The following TWIST1 variants were observed in gnomAD, a reference collection of about 807,000 sequenced individuals.
TWIST1 encodes twist family bHLH transcription factor 1, also known as twist-related protein 1.
Under a neutral mutation model 12.9 loss-of-function variants are expected in TWIST1, and 8 were observed. The observed-to-expected ratio is 0.62, with a 90% confidence interval of 0.37 to 1.12. The LOEUF is 1.12. Among genes scored for constraint, TWIST1 ranks in the 50% most tolerant of loss-of-function variants. The pLI is 0.02. For synonymous variants in TWIST1, 169 were observed against 138.7 expected, an observed-to-expected ratio of 1.22 and a Z score of -1.54; for missense variants, 268 against 299.7, an observed-to-expected ratio of 0.89 and a Z score of 0.78.
rs559821440 is a variant in TWIST1, at chr7:19,117,252, G to C, written c.70C>G (p.Pro24Ala). The change falls in exon 1 of 2, where the codon CCA becomes GCA. Residue 24 changes from proline (P) to alanine (A), a missense_variant. Pro to Ala is a conservative substitution (Grantham distance 27, BLOSUM62 -1). Transcript: ENST00000242261. ...CCGCTCGGCGGCTGCTGCCGGTCTG[G>C]CTCTTCCTCGCTGTTGCTCAGGCTG... ...DDSLSNSEEE[P>A]DRQQPPSGKR... is the part of the protein sequence containing the mutation. The C allele has an allele frequency of 2.6e-5, 38 of 1,457,786 alleles. No homozygotes were observed. In the East Asian group the frequency reaches 1.1e-3, roughly 43 times the overall value. The allele number at this position is 1,457,786 out of a possible 1,614,324, so 90.3% of individuals were successfully genotyped here. A position where few individuals can be genotyped will look rare whatever the true frequency, so the allele number is the denominator to read the frequency against.
chr7:19,117,151 A>T lies in TWIST1; in HGVS notation c.171T>A (p.Gly57=). The part of the protein sequence containing the change: ...GGGAGPGGAA[G]GGVGGGDEPG... ...GCTCGTCGCCGCCTCCGACGCCCCCACCCGCGGCTCCGCCGGGCCCCGCGC... is the reference window on the plus strand; with the variant it reads ...GCTCGTCGCCGCCTCCGACGCCCCCTCCCGCGGCTCCGCCGGGCCCCGCGC... The change falls in exon 1 of 2, where the codon GGT becomes GGA. Residue 57 remains glycine (G), a synonymous_variant. Coordinates refer to ENST00000242261, the MANE Select transcript of TWIST1 (RefSeq NM_000474.4). The T allele has an allele frequency of 3.7e-6, 4 of 1,072,888 alleles. No homozygotes were observed. The highest frequency in any genetic ancestry group is 4.5e-6 in the Non-Finnish European group (4 of 887,282). The allele number at this position is 1,072,888 out of a possible 1,614,324, so 66.5% of individuals were successfully genotyped here.
chr7:19,116,356 CGAAA>C (rs1788565426), intron 1 of TWIST1, among the ~76,000 whole-genome samples: 1 of 152,120 alleles, frequency 6.6e-6, no homozygotes, highest in Non-Finnish European at 1.5e-5. Context: ...AATTGAAAGC[CGAAA>C]GAAAGGGTGG....
downstream of TWIST1, chr7:19,113,090 T>C (rs377217574): frequency 9.8e-5 from 15 of 152,312 alleles, no homozygotes; most frequent in East Asian, 1.4e-3. Context: ...CGTTCCACTT[T>C]GGGGAGGGGA....
At position 19,117,344 on chromosome 7, in the gene TWIST1, C is replaced by A; in HGVS notation, c.-23G>T. The A allele has an allele frequency of 6.9e-7, 1 of 1,442,258 alleles. No individual in the cohort carries two copies. The highest frequency in any genetic ancestry group is 1.3e-5 in the South Asian group (1 of 75,992). The allele number at this position is 1,442,258 out of a possible 1,614,324, so 89.3% of individuals were successfully genotyped here. A position where few individuals can be genotyped will look rare whatever the true frequency, so the allele number is the denominator to read the frequency against. ...CATCTCTCGAGCGGCGACGCGTGGC[C>A]TCGCGGGCCCGGGGCAGAGGAGAAG... is the stretch of plus-strand genomic sequence containing the variant. On this transcript the variant is annotated 5_prime_UTR_variant, in exon 1 of 2. It adds an upstream start codon to the 5' untranslated region. Transcript: ENST00000242261.
intron 1 of TWIST1, 48 bp downstream of exon 1, chr7:19,116,623 G>C (rs1788572221): frequency 4.2e-6 from 6 of 1,443,156 alleles, no homozygotes; most frequent in Middle Eastern, 1.8e-4. Context: ...TGGCCGGCCT[G>C]CCGTCTGCCA....
In TWIST1 at chr7:19,116,083, C is replaced by T. The variant is rs1788558596; in HGVS notation, c.*91G>A. The T allele has an allele frequency of 6.6e-6, 1 of 151,656 alleles. No individual in the cohort carries two copies. The highest frequency in any genetic ancestry group is 1.5e-5 in the Non-Finnish European group (1 of 67,948). The allele number at this position is 151,656 out of a possible 1,614,324, so 9.4% of individuals were successfully genotyped here. On this transcript the variant is annotated 3_prime_UTR_variant, in exon 2 of 2. Transcript: ENST00000242261. ...TATTTTTATTTTTAGTTATCCAGCT[C>T]CAGAGTCTCTAGACTGTCCATTTTC...
chr7:19,117,383 A>G lies in TWIST1; in HGVS notation c.-62T>C, dbSNP rs1788598611. The G allele has an allele frequency of 7.5e-7, 1 of 1,339,992 alleles. No homozygotes were observed. The highest frequency in any genetic ancestry group is 9.6e-7 in the Non-Finnish European group (1 of 1,040,092). 83.0% of individuals were successfully genotyped at this position (1,339,992 alleles called of 1,614,324 possible). A position where few individuals can be genotyped will look rare whatever the true frequency, so the allele number is the denominator to read the frequency against. On this transcript the variant is annotated 5_prime_UTR_variant, in exon 1 of 2. Transcript: ENST00000242261. ...GCAGAGGAGAAGAGCGGGGCGCCTC[A>G]GCCCGCCAGCTTCCCCCGCGCGCGG...
intron 1 of TWIST1, 126 bp downstream of exon 1, chr7:19,116,545 G>T: frequency 1.2e-6 from 1 of 825,086 alleles, no homozygotes; most frequent in Non-Finnish European, 1.9e-6. Context: ...ACGGTGCCAA[G>T]TGAGGTGGGA....
chr7:19,117,374 G>A lies in TWIST1; in HGVS notation c.-53C>T. On this transcript the variant is annotated 5_prime_UTR_variant, in exon 1 of 2. Coordinates refer to ENST00000242261, the MANE Select transcript of TWIST1 (RefSeq NM_000474.4). ...GGGCCCGGGGCAGAGGAGAAGAGCGGGGCGCCTCAGCCCGCCAGCTTCCCC... is the reference window on the plus strand; with the variant it reads ...GGGCCCGGGGCAGAGGAGAAGAGCGAGGCGCCTCAGCCCGCCAGCTTCCCC... 7.3e-7 allele frequency: 1 copy of A among 1,371,862 alleles called. No homozygotes were observed. The highest frequency in any genetic ancestry group is 9.5e-7 in the Non-Finnish European group (1 of 1,055,266). The allele number at this position is 1,371,862 out of a possible 1,614,324, so 85.0% of individuals were successfully genotyped here.
rs552534226 is a variant in TWIST1 at position 19,117,569 on chromosome 7, A to T, written c.-248T>A. On this transcript the variant is annotated 5_prime_UTR_variant, in exon 1 of 2. Coordinates refer to ENST00000242261, the MANE Select transcript of TWIST1 (RefSeq NM_000474.4). ...CAAAAAGAAAGCGCCCAACGGCTGGACGCACACCCCGCCAGGCCTCCTGGA... is the reference window on the plus strand; with the variant it reads ...CAAAAAGAAAGCGCCCAACGGCTGGTCGCACACCCCGCCAGGCCTCCTGGA... 1.2e-5 allele frequency: 13 copies of T among 1,119,776 alleles called. No individual in the cohort carries two copies. The highest frequency in any genetic ancestry group is 4.0e-4 in the Middle Eastern group (1 of 2,494). The allele number at this position is 1,119,776 out of a possible 1,614,324, so 69.4% of individuals were successfully genotyped here. A position where few individuals can be genotyped will look rare whatever the true frequency, so the allele number is the denominator to read the frequency against.
rs1017912815 is a variant in TWIST1, at chr7:19,117,454, G to A, written c.-133C>T. ...CCCGCGGAGGAGAGAGCAGGAGGACGGACGGGAGGGACCTCCGCGGGGAGG... is the reference window on the plus strand; with the variant it reads ...CCCGCGGAGGAGAGAGCAGGAGGACAGACGGGAGGGACCTCCGCGGGGAGG... On this transcript the variant is annotated 5_prime_UTR_variant, in exon 1 of 2. Transcript: ENST00000242261. 6 of 1,191,618 alleles carry A rather than the reference G, an allele frequency of 5.0e-6. No individual in the cohort carries two copies. Among genetic ancestry groups the A allele is most frequent in the Non-Finnish European group, 6.3e-6 (6 of 957,400 alleles). 73.8% of individuals were successfully genotyped at this position (1,191,618 alleles called of 1,614,324 possible).
chr7:19,116,336 G>T (rs1216198067), intron 1 of TWIST1, among the ~76,000 whole-genome samples: 1 of 152,212 alleles, frequency 6.6e-6, no homozygotes, highest in South Asian at 2.1e-4. Context: ...TTTGTTTTAA[G>T]GAGAACAAAA....
At chr7:19,114,194 G>A (rs1454266411), downstream of TWIST1, 1 of 152,092 alleles carries the variant, frequency 6.6e-6, no homozygotes, top group Non-Finnish European at 1.5e-5. Context: ...ACTTCTCCAA[G>A]CTTTCACTAA....
Position 19,116,954 on chromosome 7 carries a change from G to A in TWIST1, c.368C>T (p.Ser123Leu). 6 of 1,613,602 alleles carry A rather than the reference G, an allele frequency of 3.7e-6. No homozygotes were observed. Among genetic ancestry groups the A allele is most frequent in the Non-Finnish European group, 5.1e-6 (6 of 1,179,914 alleles). The change falls in exon 1 of 2, where the codon TCG (serine) becomes TTG (leucine). Residue 123 changes from serine (S) to leucine (L), a missense_variant. By Grantham distance (145) the Ser-to-Leu change is moderately radical. Transcript: ENST00000242261. ...ANVRERQRTQSLNEAFAALRK... is the reference protein window; with the variant it reads ...ANVRERQRTQLLNEAFAALRK... ...CAGCGCGGCGAACGCCTCGTTCAGC[G>A]ACTGGGTGCGCTGGCGCTCCCGCAC...
Position 19,116,758 on chromosome 7 carries a change from C to T in TWIST1, c.564G>A (p.Ser188=). 2 of 1,613,170 alleles carry T rather than the reference C, an allele frequency of 1.2e-6. No individual in the cohort carries two copies. The highest frequency in any genetic ancestry group is 8.5e-7 in the Non-Finnish European group (1 of 1,179,642). The part of the protein sequence containing the change: ...VAHERLSYAF[S]VWRMEGAWSM... ...ACCAGGCCCCCTCCATCCTCCAGAC[C>T]GAGAAGGCGTAGCTGAGCCGCTCGT... The change falls in exon 1 of 2, where the codon TCG becomes TCA. Residue 188 remains serine, a synonymous_variant. Coordinates refer to ENST00000242261, the MANE Select transcript of TWIST1 (RefSeq NM_000474.4).
At chr7:19,116,357 G>T (rs994187014) in intron 1 of TWIST1, among the ~76,000 whole-genome samples, 1 of 152,202 alleles carries the variant, frequency 6.6e-6, no homozygotes, top group Non-Finnish European at 1.5e-5. Flanking sequence ...ATTGAAAGCC[G>T]AAAGAAAGGG....
Position 19,117,028 on chromosome 7 carries a change from CCCGCCGCCGCTGCTGCTG to C in TWIST1, c.276_293del (p.Ser94_Ser99del), listed in dbSNP as rs772470139. 1.3e-5 allele frequency: 19 copies of C among 1,498,260 alleles called. No homozygotes were observed. The South Asian group carries it at 1.3e-4, about 10-fold the overall frequency. The allele number at this position is 1,498,260 out of a possible 1,614,324, so 92.8% of individuals were successfully genotyped here. A position where few individuals can be genotyped will look rare whatever the true frequency, so the allele number is the denominator to read the frequency against. On this transcript the variant is annotated inframe_deletion, in exon 1 of 2. Coordinates refer to ENST00000242261, the MANE Select transcript of TWIST1 (RefSeq NM_000474.4). ...GCAGCTCCTCGTAAGACTGCGGACT[CCCGCCGCCGCTGCTGCTG>C]CCGCCGCCGCCGCCCGCGCCGCCGC... is the stretch of plus-strand genomic sequence containing the variant.
At position 19,117,512 on chromosome 7, in the gene TWIST1, G is replaced by A; in HGVS notation, c.-191C>T. 1 of 1,190,638 alleles carries A rather than the reference G, an allele frequency of 8.4e-7. No individual in the cohort carries two copies. Among genetic ancestry groups the A allele is most frequent in the Non-Finnish European group, 1.0e-6 (1 of 952,398 alleles). 73.8% of individuals were successfully genotyped at this position (1,190,638 alleles called of 1,614,324 possible). The stretch of plus-strand genomic sequence containing the variant: ...GGGGAGGCGGGGAGGGAGGCGGGAG[G>A]GGGAGGGGACGGTGTGGATGGCCCC... On this transcript the variant is annotated 5_prime_UTR_variant, in exon 1 of 2. Coordinates refer to ENST00000242261, the MANE Select transcript of TWIST1 (RefSeq NM_000474.4).
Position 19,117,301 on chromosome 7 carries a change from G to C in TWIST1, c.21C>G (p.Ser7Arg). ...TGTCGTCGGCCGGCGAGACTGGCGA[G>C]CTGGACACGTCCTGCATCATCTCTC... MMQDVS[S>R]SPVSPADDSL... The change falls in exon 1 of 2, where the codon AGC becomes AGG. Residue 7 changes from serine (S) to arginine (R), a missense_variant. Ser to Arg is a moderately radical substitution (Grantham distance 110). Transcript: ENST00000242261. 1 of 1,476,540 alleles carries C rather than the reference G, an allele frequency of 6.8e-7. No individual in the cohort carries two copies. The highest frequency in any genetic ancestry group is 9.0e-7 in the Non-Finnish European group (1 of 1,117,272). The allele number at this position is 1,476,540 out of a possible 1,614,324, so 91.5% of individuals were successfully genotyped here. A position where few individuals can be genotyped will look rare whatever the true frequency, so the allele number is the denominator to read the frequency against.
Sources: gnomAD v4.1 joint callset for allele counts (sites outside exome capture counted in the v4.1 genomes callset) on GRCh38, gnomAD v4.1.1 for gene constraint, MANE v1.5 for transcripts, NCBI Gene and HGNC (gene_info 2026-07-23, HGNC 2026-07-21) for gene names.